NTAQ1: variants seen among roughly 807,000 people sequenced by gnomAD.
NTAQ1 encodes the protein N-terminal glutamine amidase 1.
Under a neutral mutation model 28.2 loss-of-function variants are expected in NTAQ1, and 21 were observed. That is an observed-to-expected ratio of 0.74 (90% confidence interval 0.53 to 1.07). The LOEUF is 1.07. Ranked by LOEUF, NTAQ1 falls within the 50% of genes least tolerant of loss-of-function variation. NTAQ1 has a pLI of 0.00. For missense variants in NTAQ1, 264 were observed against 256.6 expected (o/e 1.03, Z -0.20); for synonymous variants, 105 against 90.0 (o/e 1.17, Z -0.94).
chr8:123,423,336 CT>C (rs1247132652), intron 1 of NTAQ1, among the ~76,000 whole-genome samples: 34 of 144,702 alleles, frequency 2.3e-4, no homozygotes, highest in African/African-American at 8.4e-4. Flanking sequence ...CTTTGTCTTT[CT>C]TTTCCTTCCT....
intron 6 of NTAQ1, among the ~76,000 whole-genome samples, chr8:123,456,404 A>G (rs902282210): frequency 1.3e-5 from 2 of 152,164 alleles, no homozygotes; most frequent in Non-Finnish European, 2.9e-5. Context: ...TTGGAACCCA[A>G]GATGCACATC....
At chr8:123,462,456 G>A (rs955408792) in intron 6 of NTAQ1, among the ~76,000 whole-genome samples, 1 of 152,182 alleles carries the variant, frequency 6.6e-6, no homozygotes, top group Non-Finnish European at 1.5e-5. Context: ...TAGGGCAGTA[G>A]TTTTTGAAGT....
downstream of NTAQ1, among the ~76,000 whole-genome samples, chr8:123,472,796 T>A (rs1816053660): frequency 2.0e-5 from 3 of 152,214 alleles, no homozygotes; most frequent in Admixed American, 2.0e-4. Flanking sequence ...AAACTCTTTT[T>A]CTGTGGAAGA....
chr8:123,430,738 T>A (rs3886814), intron 3 of NTAQ1, among the ~76,000 whole-genome samples: 55,111 of 151,946 alleles, frequency 0.36, 10,102 homozygotes, highest in East Asian at 0.56. Context: ...CTGAGATTGC[T>A]TCACTGTACT....
At chr8:123,435,122 T>C (rs12677256) in intron 3 of NTAQ1, among the ~76,000 whole-genome samples, 55,104 of 152,054 alleles carry the variant, frequency 0.36, 10,102 homozygotes, top group East Asian at 0.56. Context: ...TGCTTTGATT[T>C]CACAGTGCTG....
intron 4 of NTAQ1, 66 bp downstream of exon 4, chr8:123,436,667 C>T: frequency 2.2e-5 from 30 of 1,353,160 alleles, no homozygotes; most frequent in African/African-American, 3.0e-5. Flanking sequence ...CACAGAGGTT[C>T]TTTTTTTTTT....
chr8:123,417,794 A>G (rs1055141643), intron 1 of NTAQ1, among the ~76,000 whole-genome samples: 1 of 151,904 alleles, frequency 6.6e-6, no homozygotes, highest in African/African-American at 2.4e-5. Flanking sequence ...GCTTCCATCG[A>G]TGTCCAGGAG....
At position 123,427,969 on chromosome 8, in the gene NTAQ1, C is replaced by G; in HGVS notation, c.129C>G (p.Asp43Glu). The change falls in exon 2 of 6, where the codon GAC (aspartate) becomes GAG (glutamate). Residue 43 changes from aspartate (D) to glutamate (E), a missense_variant. Asp to Glu is a conservative substitution (Grantham distance 45). Coordinates refer to ENST00000287387, the MANE Select transcript of NTAQ1 (RefSeq NM_018024.3). The stretch of plus-strand genomic sequence containing the variant: ...TCTGTGAATACATCAAAAACCATGA[C>G]CAGTATCCTTTAGAAGAATGTTATG... ...WKLCEYIKNH[D>E]QYPLEECYAV... 6.2e-7 allele frequency: 1 copy of G among 1,611,014 alleles called. No homozygotes were observed. The highest frequency in any genetic ancestry group is 8.5e-7 in the Non-Finnish European group (1 of 1,179,006).
chr8:123,421,874 A>G (rs1813717205), intron 1 of NTAQ1, among the ~76,000 whole-genome samples: 1 of 148,670 alleles, frequency 6.7e-6, no homozygotes, highest in Non-Finnish European at 1.5e-5. Flanking sequence ...ATTTTTTTTT[A>G]GTAGAGACAG....
rs531637105 is a variant in NTAQ1 at position 123,418,454 on chromosome 8, A to T, written c.83+1522A>T. On this transcript the variant is annotated intron_variant, in intron 1 of 5. Coordinates refer to ENST00000287387, the MANE Select transcript of NTAQ1 (RefSeq NM_018024.3). Reference sequence around the variant, plus strand: ...CAGAGCAAGACTCCATCTCAAAAAAAAAAAAAAAATAAAAAGCCAAAAAAA... The same window carrying T: ...CAGAGCAAGACTCCATCTCAAAAAATAAAAAAAAATAAAAAGCCAAAAAAA... 3.0e-3 allele frequency among the ~76,000 whole-genome samples: 451 copies of T among 151,970 alleles called. 6 individuals are homozygous for T. The highest frequency in any genetic ancestry group is 0.01 in the African/African-American group (430 of 41,412).
intron 6 of NTAQ1, among the ~76,000 whole-genome samples, chr8:123,462,003 G>GA: frequency 6.6e-6 from 1 of 152,090 alleles, no homozygotes; most frequent in Non-Finnish European, 1.5e-5. Context: ...GAAATCTAGT[G>GA]AAAAAATATT....
At chr8:123,441,127 G>C (rs1465999041) in intron 5 of NTAQ1, among the ~76,000 whole-genome samples, 179 bp from the exon 6 acceptor site, 2 of 152,170 alleles carry the variant, frequency 1.3e-5, no homozygotes, top group Non-Finnish European at 2.9e-5. Flanking sequence ...GTTTGGGTGT[G>C]TGTGTTTTGT....
At chr8:123,432,138 A>T (rs933543497) in intron 3 of NTAQ1, among the ~76,000 whole-genome samples, 1 of 152,152 alleles carries the variant, frequency 6.6e-6, no homozygotes, top group Non-Finnish European at 1.5e-5. Flanking sequence ...GACACCAGTG[A>T]GTAGTAGTGA....
At chr8:123,455,421 ATTTTTTTTT>A (rs925294146) in intron 6 of NTAQ1, among the ~76,000 whole-genome samples, 36 of 115,482 alleles carry the variant, frequency 3.1e-4, no homozygotes, top group African/African-American at 8.9e-4. Flanking sequence ...ATGCCCAGAA[ATTTTTTTTT>A]TTTTTTTTTT....
downstream of NTAQ1, among the ~76,000 whole-genome samples, chr8:123,470,339 G>A (rs564490076): frequency 6.6e-6 from 1 of 152,306 alleles, no homozygotes; most frequent in East Asian, 1.9e-4. Context: ...TTGTTACCGT[G>A]GCCTCCGCAG....
intron 6 of NTAQ1, among the ~76,000 whole-genome samples, chr8:123,456,342 C>T (rs1399177572): frequency 6.6e-6 from 1 of 152,122 alleles, no homozygotes; most frequent in Non-Finnish European, 1.5e-5. Flanking sequence ...CTGGTGTGCA[C>T]GATCTTGGCT....
At chr8:123,431,258 A>G (rs1237192780) in intron 3 of NTAQ1, among the ~76,000 whole-genome samples, 2 of 150,760 alleles carry the variant, frequency 1.3e-5, no homozygotes, top group Non-Finnish European at 2.9e-5. Context: ...AATTGCTTGA[A>G]CCTGGGAGGC....
rs201482549 is a variant in NTAQ1, at chr8:123,436,423, T to G, written c.235-30T>G. 8.6e-4 allele frequency: 1,375 copies of G among 1,607,394 alleles called. 1 individual carries two copies. The highest frequency in any genetic ancestry group is 1.1e-3 in the South Asian group (102 of 90,572). ...TGGGATTTCATCATTATGAAGTAAC[T>G]TGGTTAACTTCAGCAACTTTTACTT... On this transcript the variant is annotated intron_variant, in intron 3 of 5. Coordinates refer to ENST00000287387, the MANE Select transcript of NTAQ1 (RefSeq NM_018024.3).
chr8:123,440,583 T>A (rs2130327022), intron 5 of NTAQ1, among the ~76,000 whole-genome samples: 1 of 149,768 alleles, frequency 6.7e-6, no homozygotes, highest in African/African-American at 2.5e-5. Flanking sequence ...CATTACACCC[T>A]CCAACTCCCA....
Sources: allele counts gnomAD v4.1 joint callset (sites outside exome capture counted in the v4.1 genomes callset), GRCh38; gene constraint gnomAD v4.1.1; transcripts MANE v1.5; gene names NCBI Gene and HGNC (gene_info 2026-07-23, HGNC 2026-07-21).